Variants in ADAMTS17 observed in about 807,000 individuals in gnomAD.
The protein encoded by ADAMTS17 is ADAM metallopeptidase with thrombospondin type 1 motif 17.
A neutral mutation model predicts 141.5 loss-of-function variants in ADAMTS17; 113 were observed. That is an observed-to-expected ratio of 0.80 (90% CI 0.69 to 0.93). The LOEUF (loss-of-function observed/expected upper bound fraction) is 0.93. Among genes scored for constraint, ADAMTS17 ranks in the 40% least tolerant of loss-of-function variants. The pLI is 0.00. For synonymous variants in ADAMTS17, 768 were observed against 630.6 expected, an observed-to-expected ratio of 1.22 and a Z score of -3.27; for missense variants, 1,659 against 1,517.9, an observed-to-expected ratio of 1.09 and a Z score of -1.54.
At chr15:100,001,711 C>G (rs956213262) in intron 18 of ADAMTS17, among the ~76,000 whole-genome samples, 1 of 152,016 alleles carries the variant, frequency 6.6e-6, no homozygotes, top group African/African-American at 2.4e-5. Flanking sequence ...TGGCTCACAC[C>G]TATAATCCCA....
chr15:100,040,916 C>A, intron 18 of ADAMTS17, among the ~76,000 whole-genome samples: 1 of 152,118 alleles, frequency 6.6e-6, no homozygotes, highest in Admixed American at 6.5e-5. Context: ...TTAGATTTAC[C>A]TATTTTATTT....
intron 8 of ADAMTS17, among the ~76,000 whole-genome samples, chr15:100,156,290 T>C (rs1361803318): frequency 6.6e-6 from 1 of 152,208 alleles, no homozygotes; most frequent in Non-Finnish European, 1.5e-5. Context: ...GCAACCCTGC[T>C]TGTTGCCTAA....
chr15:100,011,284 A>G, intron 18 of ADAMTS17, among the ~76,000 whole-genome samples: 2 of 30,334 alleles, frequency 6.6e-5, no homozygotes, highest in African/African-American at 1.3e-4. Context: ...AAGGGAGGGA[A>G]GTAAAGGAGG....
intron 2 of ADAMTS17, among the ~76,000 whole-genome samples, chr15:100,336,993 C>T (rs1596551963): frequency 6.6e-6 from 1 of 152,310 alleles, no homozygotes; most frequent in Middle Eastern, 3.4e-3. Context: ...CCTGCCTCAG[C>T]CTCCCGAGTA....
chr15:100,091,947 G>A (rs187798217), intron 15 of ADAMTS17, among the ~76,000 whole-genome samples: 1 of 152,182 alleles, frequency 6.6e-6, no homozygotes, highest in African/African-American at 2.4e-5. Flanking sequence ...GGAAACCCGT[G>A]AGGCTAGACT....
chr15:100,008,213 C>A lies in ADAMTS17; in HGVS notation c.2592-10624G>T, dbSNP rs140461387. Among the ~76,000 whole-genome samples, 9 of 152,144 alleles carry A rather than the reference C, an allele frequency of 5.9e-5. No individual in the cohort carries two copies. The East Asian group carries it at 1.6e-3, about 26-fold the overall frequency. The stretch of plus-strand genomic sequence containing the variant: ...TAGAGGGGCACTGAACTTTGGAAAC[C>A]AGGCCTGCCCAGAGGTGCCTGGGAG... On this transcript the variant is annotated intron_variant, in intron 18 of 21. Coordinates refer to ENST00000268070, the MANE Select transcript of ADAMTS17 (RefSeq NM_139057.4).
intron 20 of ADAMTS17, 80 bp downstream of exon 20, chr15:99,992,968 C>G (rs1488795766): frequency 5.6e-5 from 88 of 1,576,432 alleles, no homozygotes; most frequent in Non-Finnish European, 7.4e-5. Flanking sequence ...AGAATTGGGA[C>G]CCGTCACAAG....
intron 20 of ADAMTS17, among the ~76,000 whole-genome samples, chr15:99,991,594 C>A (rs759936840): frequency 4.5e-4 from 69 of 152,194 alleles, no homozygotes; most frequent in Non-Finnish European, 5.0e-4. Flanking sequence ...TTAGTTCAAC[C>A]ATTGTGAAAG....
At chr15:100,095,542 A>G (rs1351390223) in intron 15 of ADAMTS17, among the ~76,000 whole-genome samples, 1 of 152,126 alleles carries the variant, frequency 6.6e-6, no homozygotes. Flanking sequence ...GTGGAAATTA[A>G]AATAAGTTTC....
chr15:100,168,746 C>A (rs187160889), intron 8 of ADAMTS17: 1 of 152,346 alleles, frequency 6.6e-6, no homozygotes, highest in African/African-American at 2.4e-5. Context: ...GCAAATCTCC[C>A]CACTCAATGC....
intron 3 of ADAMTS17, among the ~76,000 whole-genome samples, chr15:100,304,658 C>A (rs1313846790): frequency 6.6e-6 from 1 of 152,202 alleles, no homozygotes; most frequent in Non-Finnish European, 1.5e-5. Context: ...GGGACTACCT[C>A]ACAGTTATTC....
At chr15:100,209,579 A>G (rs2141705636) in intron 7 of ADAMTS17, among the ~76,000 whole-genome samples, 1 of 151,108 alleles carries the variant, frequency 6.6e-6, no homozygotes, top group Non-Finnish European at 1.5e-5. Flanking sequence ...ACAGGATATA[A>G]AAATGACGGC....
intron 4 of ADAMTS17, 22 bp from the exon 5 acceptor site, chr15:100,262,457 A>G: frequency 1.3e-6 from 2 of 1,592,194 alleles, no homozygotes; most frequent in South Asian, 2.3e-5. Context: ...GAAAAAAGAA[A>G]TAAAGATATA....
intron 3 of ADAMTS17, among the ~76,000 whole-genome samples, chr15:100,310,765 A>G (rs1166217493): frequency 6.6e-6 from 1 of 152,188 alleles, no homozygotes; most frequent in Non-Finnish European, 1.5e-5. Flanking sequence ...GTCCAGCTCC[A>G]TCCAAACGCC....
intron 9 of ADAMTS17, among the ~76,000 whole-genome samples, chr15:100,154,410 A>G (rs2039333477): frequency 6.6e-6 from 1 of 152,200 alleles, no homozygotes; most frequent in Non-Finnish European, 1.5e-5. Context: ...CACCTTTGCC[A>G]CTACATCCTG....
intron 15 of ADAMTS17, among the ~76,000 whole-genome samples, chr15:100,084,727 A>C (rs970379627): frequency 2.6e-5 from 4 of 152,214 alleles, no homozygotes; most frequent in Admixed American, 6.5e-5. Flanking sequence ...ATACCCAGGC[A>C]AACAGGGTCT....
chr15:100,127,342 G>A (rs1432886352), intron 12 of ADAMTS17, among the ~76,000 whole-genome samples: 1 of 152,128 alleles, frequency 6.6e-6, no homozygotes, highest in Non-Finnish European at 1.5e-5. Context: ...ACACAGAGAA[G>A]AGACCACGTG....
At chr15:100,329,526 CA>C (rs35680287) in intron 3 of ADAMTS17, among the ~76,000 whole-genome samples, 35,004 of 127,960 alleles carry the variant, frequency 0.27, 4,414 homozygotes, top group South Asian at 0.44. Flanking sequence ...ATCGTGTCTC[CA>C]AAAAAAAAAA....
At chr15:100,013,589 A>G (rs1371831182) in intron 18 of ADAMTS17, among the ~76,000 whole-genome samples, 1 of 152,228 alleles carries the variant, frequency 6.6e-6, no homozygotes, top group Non-Finnish European at 1.5e-5. Flanking sequence ...AGTTTTAATC[A>G]TAAAGCGATG....
Sources: gnomAD v4.1 joint callset for allele counts (sites outside exome capture counted in the v4.1 genomes callset) on GRCh38, gnomAD v4.1.1 for gene constraint, MANE v1.5 for transcripts, NCBI Gene and HGNC (gene_info 2026-07-23, HGNC 2026-07-21) for gene names.